The following GRB2 variants were observed in gnomAD, a reference collection of about 807,000 sequenced individuals.
The protein encoded by GRB2 is growth factor receptor bound protein 2.
A neutral mutation model predicts 27.4 loss-of-function variants in GRB2; 2 were observed. The ratio of observed to expected loss-of-function variants is 0.07; its 90% CI spans 0.03 to 0.23. The LOEUF (loss-of-function observed/expected upper bound fraction) is 0.23. GRB2 is among the 10% of genes least tolerant of loss of function. The pLI is 1.00. For synonymous variants in GRB2, 94 were observed against 99.6 expected (o/e 0.94, Z 0.33); for missense variants, 102 against 282.4 (o/e 0.36, Z 4.58).
intron 2 of GRB2, among the ~76,000 whole-genome samples, chr17:75,389,825 A>G (rs768901857): frequency 6.6e-6 from 1 of 152,234 alleles, no homozygotes; most frequent in Non-Finnish European, 1.5e-5. Flanking sequence ...AGCCTGGGTG[A>G]CAGAGCGAGA....
At chr17:75,324,167 T>G (rs975200803) in intron 4 of GRB2, among the ~76,000 whole-genome samples, 1 of 150,504 alleles carries the variant, frequency 6.6e-6, no homozygotes, top group Non-Finnish European at 1.5e-5. Context: ...TAATCACACA[T>G]TAAGTGGTTC....
At chr17:75,378,187 C>T (rs573698223) in intron 2 of GRB2, among the ~76,000 whole-genome samples, 12 of 151,518 alleles carry the variant, frequency 7.9e-5, no homozygotes, top group East Asian at 3.9e-4. Context: ...GTCAGGAGTT[C>T]GAGACCAGCC....
chr17:75,347,952 CA>C (rs2078665721), intron 2 of GRB2, among the ~76,000 whole-genome samples: 1 of 152,200 alleles, frequency 6.6e-6, no homozygotes, highest in South Asian at 2.1e-4. Context: ...TATAAAGTGA[CA>C]TTTGTTATGG....
At chr17:75,375,237 C>T (rs2078884681) in intron 2 of GRB2, among the ~76,000 whole-genome samples, 2 of 152,080 alleles carry the variant, frequency 1.3e-5, no homozygotes, top group Admixed American at 1.3e-4. Flanking sequence ...ACTTCTTATG[C>T]CAATCATCAC....
chr17:75,361,063 G>A (rs2078778437), intron 2 of GRB2, among the ~76,000 whole-genome samples: 1 of 152,064 alleles, frequency 6.6e-6, no homozygotes, highest in South Asian at 2.1e-4. Flanking sequence ...CAGCCACTAT[G>A]CCTGACCTAA....
chr17:75,332,293 G>A (rs12600908), intron 3 of GRB2, among the ~76,000 whole-genome samples: 14,619 of 152,178 alleles, frequency 0.096, 929 homozygotes, highest in Middle Eastern at 0.22. Flanking sequence ...TAGATGCCAA[G>A]CACCGTACTC....
Position 75,384,990 on chromosome 17 carries a change from G to A in GRB2, c.78+8561C>T, listed in dbSNP as rs192892062. On this transcript the variant is annotated intron_variant, in intron 2 of 5. Coordinates refer to ENST00000316804, the MANE Select transcript of GRB2 (RefSeq NM_002086.5). ...GCGGATCGCTTGAGCCCAGGAGTTC[G>A]AGACCAGCGTGGGCAACAGTGAGAC... is the stretch of plus-strand genomic sequence containing the variant. Among the ~76,000 whole-genome samples, 276 of 115,824 alleles carry A rather than the reference G, an allele frequency of 2.4e-3. 1 individual carries two copies. The highest frequency in any genetic ancestry group is 8.2e-3 in the African/African-American group (255 of 31,050). 76.0% of individuals were successfully genotyped at this position (115,824 alleles called of 152,430 possible). A position where few individuals can be genotyped will look rare whatever the true frequency, so the allele number is the denominator to read the frequency against.
At chr17:75,334,779 T>G (rs1475893148) in intron 2 of GRB2, among the ~76,000 whole-genome samples, 1 of 152,100 alleles carries the variant, frequency 6.6e-6, no homozygotes, top group African/African-American at 2.4e-5. Context: ...GTCTTTATAT[T>G]TAAAAAGTGT....
At chr17:75,324,847 G>C (rs902201010) in intron 4 of GRB2, among the ~76,000 whole-genome samples, 1 of 152,056 alleles carries the variant, frequency 6.6e-6, no homozygotes, top group African/African-American at 2.4e-5. Context: ...AGGTCGAGGT[G>C]GGTGGATCAC....
chr17:75,397,194 C>T (rs961869693), intron 1 of GRB2, among the ~76,000 whole-genome samples: 4 of 151,992 alleles, frequency 2.6e-5, no homozygotes, highest in African/African-American at 9.7e-5. Flanking sequence ...GGTTATCCAC[C>T]CAAAAGAGCA....
At chr17:75,349,669 A>G (rs1359299005) in intron 2 of GRB2, among the ~76,000 whole-genome samples, 1 of 151,798 alleles carries the variant, frequency 6.6e-6, no homozygotes, top group Non-Finnish European at 1.5e-5. Context: ...GCAGGCGCCC[A>G]CCACCACGCC....
intron 3 of GRB2, among the ~76,000 whole-genome samples, chr17:75,332,275 A>C (rs1256640066): frequency 1.3e-5 from 2 of 152,212 alleles, no homozygotes; most frequent in African/African-American, 4.8e-5. Flanking sequence ...ACATTTATTG[A>C]GAACTATTAG....
At position 75,400,750 on chromosome 17, in the gene GRB2, G is replaced by A. The variant is rs747030283; in HGVS notation, c.-138+4739C>T. 5.3e-5 allele frequency among the ~76,000 whole-genome samples: 8 copies of A among 151,982 alleles called. No individual in the cohort carries two copies. The East Asian group carries it at 7.7e-4, about 15-fold the overall frequency. On this transcript the variant is annotated intron_variant, in intron 1 of 5. Coordinates refer to ENST00000316804, the MANE Select transcript of GRB2 (RefSeq NM_002086.5). ...GCTGGTCTCCAACCTCAAGTGATCC[G>A]CCCACCTCGGCCTCCCAAAGTTCCA...
intron 2 of GRB2, among the ~76,000 whole-genome samples, chr17:75,355,412 C>G (rs1241930386): frequency 2.0e-5 from 3 of 152,018 alleles, no homozygotes; most frequent in African/African-American, 7.3e-5. Context: ...TCCCAGTTCT[C>G]TCCTCCTCCC....
chr17:75,345,947 C>CA (rs1488965882), intron 2 of GRB2, among the ~76,000 whole-genome samples: 1 of 152,068 alleles, frequency 6.6e-6, no homozygotes, highest in Non-Finnish European at 1.5e-5. Context: ...TTAAGAAGCT[C>CA]AAGCTTATAT....
intron 2 of GRB2, among the ~76,000 whole-genome samples, chr17:75,386,849 A>C (rs1048097636): frequency 6.6e-6 from 1 of 152,178 alleles, no homozygotes; most frequent in Non-Finnish European, 1.5e-5. Context: ...TTAAGCTTTG[A>C]GCCTGTTTCT....
At chr17:75,356,175 T>C (rs2078732351) in intron 2 of GRB2, among the ~76,000 whole-genome samples, 2 of 152,094 alleles carry the variant, frequency 1.3e-5, no homozygotes, top group South Asian at 2.1e-4. Flanking sequence ...GTTACAGATA[T>C]GAGTACATTT....
At chr17:75,330,004 T>C (rs1433818401) in intron 3 of GRB2, among the ~76,000 whole-genome samples, 2 of 152,144 alleles carry the variant, frequency 1.3e-5, no homozygotes, top group Non-Finnish European at 2.9e-5. Context: ...GACAGAGTCT[T>C]GCTTTGTTGA....
chr17:75,325,657 C>T (rs2078494321), intron 4 of GRB2, among the ~76,000 whole-genome samples: 1 of 152,234 alleles, frequency 6.6e-6, no homozygotes, highest in Non-Finnish European at 1.5e-5. Context: ...TGGCAGGCTC[C>T]AGCTGGCTGC....
Sources: gnomAD v4.1 joint callset for allele counts (sites outside exome capture counted in the v4.1 genomes callset) on GRCh38, gnomAD v4.1.1 for gene constraint, MANE v1.5 for transcripts, NCBI Gene and HGNC (gene_info 2026-07-23, HGNC 2026-07-21) for gene names.